The following SNAP91 variants were observed in gnomAD, a reference collection of about 807,000 sequenced individuals.
The protein encoded by SNAP91 is synaptosome associated protein 91.
In SNAP91, 27 loss-of-function variants were observed where a neutral mutation model predicts 100.3. The observed-to-expected ratio is 0.27, with a 90% confidence interval of 0.20 to 0.37. The LOEUF (loss-of-function observed/expected upper bound fraction) is 0.37. Ranked by LOEUF, SNAP91 falls within the 10% of genes least tolerant of loss-of-function variation. The pLI is 1.00. For missense variants in SNAP91, 986 were observed against 1,123.7 expected, an observed-to-expected ratio of 0.88 and a Z score of 1.75; for synonymous variants, 404 against 398.6, an observed-to-expected ratio of 1.01 and a Z score of -0.16.
chr6:83,665,664 T>G (rs1162275607), intron 2 of SNAP91, 83 bp from the exon 3 acceptor site: 2 of 1,207,208 alleles, frequency 1.7e-6, no homozygotes, highest in Non-Finnish European at 2.3e-6. Flanking sequence ...ATAAGCCTGT[T>G]TACTAATATA....
At chr6:83,697,741 C>G (rs1029337308) in intron 2 of SNAP91, among the ~76,000 whole-genome samples, 1 of 152,076 alleles carries the variant, frequency 6.6e-6, no homozygotes, top group Non-Finnish European at 1.5e-5. Flanking sequence ...TAACTCCTTG[C>G]TCTTCCGAAG....
At chr6:83,583,162 C>T (rs1176288282) in intron 22 of SNAP91, among the ~76,000 whole-genome samples, 2 of 152,140 alleles carry the variant, frequency 1.3e-5, no homozygotes, top group African/African-American at 2.4e-5. Context: ...GACTTCCTTG[C>T]CCTCACACTG....
At chr6:83,677,113 C>A (rs1367603779) in intron 2 of SNAP91, among the ~76,000 whole-genome samples, 1 of 152,216 alleles carries the variant, frequency 6.6e-6, no homozygotes, top group Non-Finnish European at 1.5e-5. Context: ...TTTCCACCCA[C>A]TTCCACCTAG....
intron 22 of SNAP91, among the ~76,000 whole-genome samples, chr6:83,585,539 A>AC (rs1344118943): frequency 1.5e-4 from 11 of 74,964 alleles, no homozygotes; most frequent in East Asian, 5.5e-4. Context: ...TTAAAAAAAA[A>AC]AAAAAAAGAA....
intron 13 of SNAP91, 142 bp from the exon 14 acceptor site, chr6:83,605,945 C>CTA: frequency 1.3e-6 from 1 of 749,090 alleles, no homozygotes; most frequent in Non-Finnish European, 2.1e-6. Context: ...AAGTATAGAG[C>CTA]TATAGCATAT....
intron 2 of SNAP91, among the ~76,000 whole-genome samples, chr6:83,704,335 G>C (rs908566288): frequency 1.4e-4 from 21 of 152,036 alleles, no homozygotes; most frequent in African/African-American, 4.6e-4. Flanking sequence ...CATCACTATA[G>C]TCGAGTATGG....
intron 7 of SNAP91, among the ~76,000 whole-genome samples, chr6:83,641,615 A>T (rs1281961740): frequency 3.9e-5 from 6 of 152,218 alleles, no homozygotes; most frequent in African/African-American, 1.4e-4. Flanking sequence ...ATAATCTATA[A>T]ATTATAAGAC....
chr6:83,635,513 C>T (rs2097401091), intron 8 of SNAP91, among the ~76,000 whole-genome samples: 1 of 152,034 alleles, frequency 6.6e-6, no homozygotes, highest in Admixed American at 6.5e-5. Flanking sequence ...CAACCTCTGT[C>T]CTTTTTTGTT....
intron 8 of SNAP91, among the ~76,000 whole-genome samples, chr6:83,627,967 C>T (rs1004906494): frequency 6.6e-6 from 1 of 151,628 alleles, no homozygotes; most frequent in African/African-American, 2.4e-5. Flanking sequence ...TAGTAGTGTA[C>T]ACTGCACCTG....
chr6:83,690,485 C>T (rs547871476), intron 2 of SNAP91: 2 of 1,107,846 alleles, frequency 1.8e-6, no homozygotes, highest in Non-Finnish European at 2.4e-6. Flanking sequence ...AAATACTCAA[C>T]TCTCTGCTAA....
chr6:83,614,843 C>T lies in SNAP91; in HGVS notation c.884+14G>A. 1 of 1,574,462 alleles carries T rather than the reference C, an allele frequency of 6.4e-7. No homozygotes were observed. Among genetic ancestry groups the T allele is most frequent in the Non-Finnish European group, 8.6e-7 (1 of 1,165,966 alleles). On this transcript the variant is annotated intron_variant, in intron 11 of 29. Coordinates refer to ENST00000369694, the MANE Select transcript of SNAP91 (RefSeq NM_001242792.2). The stretch of plus-strand genomic sequence containing the variant: ...ATTACCAAATGCAAAAAACTCACTC[C>T]ATACAGTACTCACCCTTCACTTAAG...
intron 11 of SNAP91, among the ~76,000 whole-genome samples, chr6:83,611,761 A>G (rs1250328849): frequency 4.0e-5 from 6 of 151,550 alleles, no homozygotes; most frequent in Non-Finnish European, 7.4e-5. Flanking sequence ...CAGTGGCGCA[A>G]TCTCAGCTCA....
At chr6:83,642,046 A>T (rs1343557136) in intron 7 of SNAP91, among the ~76,000 whole-genome samples, 1 of 152,186 alleles carries the variant, frequency 6.6e-6, no homozygotes, top group Non-Finnish European at 1.5e-5. Context: ...GCAGATGGAG[A>T]CACAGCAGGC....
chr6:83,685,444 ATAAT>A (rs2099047967), intron 2 of SNAP91, among the ~76,000 whole-genome samples: 1 of 152,262 alleles, frequency 6.6e-6, no homozygotes, highest in Non-Finnish European at 1.5e-5. Context: ...GTCATTAAAA[ATAAT>A]TAAAGTTAGG....
chr6:83,653,070 T>C (rs955761727), intron 7 of SNAP91, among the ~76,000 whole-genome samples: 1 of 152,162 alleles, frequency 6.6e-6, no homozygotes, highest in African/African-American at 2.4e-5. Flanking sequence ...TTAAGGTAGT[T>C]TCGGGGGCAT....
rs1056402785 is a variant in SNAP91 at position 83,561,376 on chromosome 6, T to G, written c.2443-429A>C. The stretch of plus-strand genomic sequence containing the variant: ...AATTTGGTTTTAAAATGACAGAATT[T>G]TAAAGTGAATGCATGCCAAATATGT... On this transcript the variant is annotated intron_variant, in intron 26 of 29. Transcript: ENST00000369694. 2.6e-5 allele frequency among the ~76,000 whole-genome samples: 4 copies of G among 152,302 alleles called. No homozygotes were observed. The South Asian group carries it at 8.3e-4, about 32-fold the overall frequency.
chr6:83,618,322 G>C (rs2096581350), intron 9 of SNAP91, among the ~76,000 whole-genome samples: 1 of 151,454 alleles, frequency 6.6e-6, no homozygotes, highest in Non-Finnish European at 1.5e-5. Context: ...ATGAAGGTAA[G>C]ATAGAAAGGA....
At chr6:83,563,643 T>C (rs1791964469) in intron 26 of SNAP91, among the ~76,000 whole-genome samples, 1 of 152,194 alleles carries the variant, frequency 6.6e-6, no homozygotes, top group Admixed American at 6.5e-5. Context: ...TCAAAGCTAA[T>C]AAACATGTTC....
intron 2 of SNAP91, among the ~76,000 whole-genome samples, chr6:83,667,592 A>T (rs1275302657): frequency 1.3e-5 from 2 of 152,012 alleles, no homozygotes; most frequent in African/African-American, 4.8e-5. Context: ...ATTATTTAAA[A>T]GTGAATTTTA....
Sources: allele counts gnomAD v4.1 joint callset (sites outside exome capture counted in the v4.1 genomes callset), GRCh38; gene constraint gnomAD v4.1.1; transcripts MANE v1.5; gene names NCBI Gene and HGNC (gene_info 2026-07-23, HGNC 2026-07-21).